CPNE7: variants seen among roughly 807,000 people sequenced by gnomAD.
CPNE7 encodes the protein copine 7.
A neutral mutation model predicts 66.5 loss-of-function variants in CPNE7; 78 were observed. That is an observed-to-expected ratio of 1.17 (90% CI 0.98 to 1.42). CPNE7 has a LOEUF of 1.42. Among genes scored for constraint, CPNE7 ranks in the 40% most tolerant of loss-of-function variants. The pLI, the probability that CPNE7 is intolerant of heterozygous loss-of-function variation, is 0.00. For synonymous variants in CPNE7, 468 were observed against 336.7 expected (o/e 1.39, Z -4.27); for missense variants, 1,012 against 776.6 (o/e 1.30, Z -3.60).
In CPNE7 at chr16:89,588,148, T is replaced by A. The variant is rs112241346; in HGVS notation, c.928-527T>A. On this transcript the variant is annotated intron_variant, in intron 9 of 14. Coordinates refer to ENST00000319518, the MANE Select transcript of CPNE7 (RefSeq NM_153636.3). ...GTGTCACCCGCGTGTCACCCACAGA[T>A]ACACGGCCCCCGTGTCACCCGCGTG... Among the ~76,000 whole-genome samples the A allele has an allele frequency of 3.6e-4, 21 of 58,260 alleles. 1 individual carries two copies. Among genetic ancestry groups the A allele is most frequent in the Admixed American group, 5.6e-4 (3 of 5,350 alleles). 38.2% of individuals were successfully genotyped at this position (58,260 alleles called of 152,430 possible).
intron 2 of CPNE7, among the ~76,000 whole-genome samples, chr16:89,582,412 C>T (rs564041476): frequency 6.6e-5 from 10 of 152,354 alleles, no homozygotes; most frequent in African/African-American, 2.4e-4. Context: ...CTCCTAAGGA[C>T]CTGCTCTCCT....
intron 2 of CPNE7, among the ~76,000 whole-genome samples, chr16:89,578,348 C>CCA (rs1374195517): frequency 2.0e-5 from 3 of 152,054 alleles, no homozygotes; most frequent in Admixed American, 1.3e-4. Flanking sequence ...CAGGCGTGAG[C>CCA]CACGGTGCCC....
At chr16:89,577,404 G>A (rs1312932608) in intron 1 of CPNE7, 135 bp from the exon 2 acceptor site, 5 of 858,256 alleles carry the variant, frequency 5.8e-6, no homozygotes, top group Non-Finnish European at 8.9e-6. Flanking sequence ...TGGACAGAGA[G>A]CAGGCAGGAG....
rs1429107734 is a variant in CPNE7, at chr16:89,584,116, C to G, written c.507+14C>G. On this transcript the variant is annotated intron_variant, in intron 4 of 14. Coordinates refer to ENST00000319518, the MANE Select transcript of CPNE7 (RefSeq NM_153636.3). The surrounding 1 kb of genome is among the most constrained non-coding windows in gnomAD (Gnocchi z 6.0). The stretch of plus-strand genomic sequence containing the variant: ...CTGGACGACAAGGTGAGTGCAGGTG[C>G]CGGGCACGCCTGGCTCAGGCTGAGG... The G allele has an allele frequency of 6.2e-7, 1 of 1,605,178 alleles. No individual in the cohort carries two copies. The highest frequency in any genetic ancestry group is 1.7e-5 in the Admixed American group (1 of 57,880).
intron 2 of CPNE7, among the ~76,000 whole-genome samples, chr16:89,579,815 C>G (rs1306570242): frequency 1.2e-5 from 1 of 86,872 alleles, no homozygotes; most frequent in Non-Finnish European, 2.8e-5. Flanking sequence ...TCACCCGTCA[C>G]ACGGAACATC....
At chr16:89,576,198 C>A in intron 1 of CPNE7, 127 bp downstream of exon 1, 1 of 754,864 alleles carries the variant, frequency 1.3e-6, no homozygotes, top group Non-Finnish European at 1.8e-6. Context: ...GGAGCTGGGG[C>A]TCAGCTCGGG....
Position 89,585,468 on chromosome 16 carries a change from T to A in CPNE7, c.596T>A (p.Val199Glu). 6.2e-7 allele frequency: 1 copy of A among 1,610,260 alleles called. No homozygotes were observed. Among genetic ancestry groups the A allele is most frequent in the Middle Eastern group, 1.7e-4 (1 of 5,996 alleles). ...CCAGCCCCTCCCGGCCCACAGGTGG[T>A]GAAGAACAACCTGAACCCGGTGTGG... ...GLQLVYRTEV[V>E]KNNLNPVWEA... is the part of the protein sequence containing the mutation. Residue 199 changes from valine (V) to glutamate (E), a missense_variant, in exon 6 of 15, where the codon GTG (valine) becomes GAG (glutamate). Physicochemically the swap from Val to Glu is moderately radical, Grantham distance 121. Transcript: ENST00000319518.
rs1314138087 is a variant in CPNE7 at position 89,584,736 on chromosome 16, A to G, written c.508-38A>G. ...CAGCTCCCATCCAAAGCCCGATCTC[A>G]CAGTGCCTGGCCCAGCAGCCCTTGT... On this transcript the variant is annotated intron_variant, in intron 4 of 14. Transcript: ENST00000319518. The surrounding 1 kb of genome is among the most constrained non-coding windows in gnomAD (Gnocchi z 6.0). The G allele has an allele frequency of 2.0e-6, 3 of 1,525,734 alleles. No homozygotes were observed. The highest frequency in any genetic ancestry group is 2.7e-5 in the African/African-American group (2 of 73,102). The allele number at this position is 1,525,734 out of a possible 1,614,324, so 94.5% of individuals were successfully genotyped here. A position where few individuals can be genotyped will look rare whatever the true frequency, so the allele number is the denominator to read the frequency against.
At chr16:89,578,618 G>C (rs1449065277) in intron 2 of CPNE7, among the ~76,000 whole-genome samples, 2 of 151,624 alleles carry the variant, frequency 1.3e-5, no homozygotes, top group African/African-American at 4.8e-5. Context: ...TAATTAGCCG[G>C]GCATGGTGGC....
intron 13 of CPNE7, among the ~76,000 whole-genome samples, chr16:89,594,642 CTTTTTTTTTTT>C (rs57032352): frequency 6.9e-5 from 6 of 86,904 alleles, no homozygotes; most frequent in South Asian, 8.1e-4. Flanking sequence ...TCCATTCTGC[CTTTTTTTTTTT>C]TTTTTTTTTT....
chr16:89,594,642 CTTTTTTTTTT>C (rs57032352), intron 13 of CPNE7, among the ~76,000 whole-genome samples: 12 of 86,904 alleles, frequency 1.4e-4, no homozygotes, highest in African/African-American at 1.7e-4. Context: ...TCCATTCTGC[CTTTTTTTTTT>C]TTTTTTTTTT....
chr16:89,576,707 C>G (rs1212648919), intron 1 of CPNE7, among the ~76,000 whole-genome samples: 1 of 152,182 alleles, frequency 6.6e-6, no homozygotes, highest in Non-Finnish European at 1.5e-5. Context: ...GGAGCCGGAA[C>G]TCGAACCCCA....
chr16:89,588,830 C>T, intron 10 of CPNE7, 22 bp downstream of exon 10: 1 of 1,612,148 alleles, frequency 6.2e-7, no homozygotes, highest in East Asian at 2.2e-5. Flanking sequence ...ACCTTCCCCT[C>T]ACCCCCTGGT....
intron 3 of CPNE7, 80 bp from the exon 4 acceptor site, chr16:89,583,948 C>G: frequency 6.4e-7 from 1 of 1,555,396 alleles, no homozygotes; most frequent in South Asian, 1.1e-5. Flanking sequence ...GTGGGGTCAG[C>G]CAGCCTGGGG....
rs768611740 is a variant in CPNE7, at chr16:89,587,022, G to A, written c.868-21G>A. 4.0e-4 allele frequency: 631 copies of A among 1,570,106 alleles called. 4 individuals are homozygous for A. The highest frequency in any genetic ancestry group is 5.1e-4 in the Middle Eastern group (3 of 5,914). On this transcript the variant is annotated intron_variant, in intron 8 of 14. Coordinates refer to ENST00000319518, the MANE Select transcript of CPNE7 (RefSeq NM_153636.3). The stretch of plus-strand genomic sequence containing the variant: ...CTCAGTGTCCCTGGCGGGGGTGGAC[G>A]CTGACTCCGCCGGCCGGAAGTTCCA...
At chr16:89,590,899 C>G in intron 11 of CPNE7, 108 bp from the exon 12 acceptor site, 19 of 1,054,826 alleles carry the variant, frequency 1.8e-5, no homozygotes, top group African/African-American at 3.5e-5. Context: ...GAGCAGCTGA[C>G]TGGGGGACAT....
chr16:89,584,851 G>A lies in CPNE7; in HGVS notation c.585G>A (p.Arg195=), dbSNP rs376182274. 1.2e-6 allele frequency: 2 copies of A among 1,613,240 alleles called. No homozygotes were observed. Among genetic ancestry groups the A allele is most frequent in the African/African-American group, 2.7e-5 (2 of 74,940 alleles). ...NDDQGLQLVY[R]TEVVKNNLNP... Reference sequence around the variant, plus strand: ...ACCAGGGCTTGCAGCTGGTGTACAGGACGGAGGTGAGCGGCCGGGGATGGG... The same window carrying A: ...ACCAGGGCTTGCAGCTGGTGTACAGAACGGAGGTGAGCGGCCGGGGATGGG... The change falls in exon 5 of 15, where the codon AGG becomes AGA. Residue 195 remains arginine, a synonymous_variant. Coordinates refer to ENST00000319518, the MANE Select transcript of CPNE7 (RefSeq NM_153636.3). This position sits in a 1 kb window ranked among gnomAD's most constrained non-coding sequence, Gnocchi z 6.0.
chr16:89,576,843 T>A (rs2058868391), intron 1 of CPNE7, among the ~76,000 whole-genome samples: 1 of 152,064 alleles, frequency 6.6e-6, no homozygotes, highest in Non-Finnish European at 1.5e-5. Flanking sequence ...GTCATCCACC[T>A]TGAGGGTGAA....
Position 89,588,712 on chromosome 16 carries a change from G to A in CPNE7, c.965G>A (p.Arg322Gln), listed in dbSNP as rs28568523. 5.3e-3 allele frequency: 8,545 copies of A among 1,613,460 alleles called. 38 individuals carry two copies. Among genetic ancestry groups the A allele is most frequent in the African/African-American group, 7.6e-3 (569 of 75,022 alleles). The change falls in exon 10 of 15, where the codon CGG becomes CAG. Residue 322 changes from arginine (R) to glutamine (Q), a missense_variant. By Grantham distance (43) the Arg-to-Gln change is conservative. Transcript: ENST00000319518. ...TTCACCGCCTCCAATGGAGACCCGC[G>A]GAACAGCTGCTCCCTGCACTACATC... is the stretch of plus-strand genomic sequence containing the variant. ...IDFTASNGDPRNSCSLHYINP... is the reference protein window; with the variant it reads ...IDFTASNGDPQNSCSLHYINP...
Sources: gnomAD v4.1 joint callset for allele counts (sites outside exome capture counted in the v4.1 genomes callset) on GRCh38, gnomAD v4.1.1 for gene constraint, Gnocchi (gnomAD v3.1) non-coding constraint, MANE v1.5 for transcripts, NCBI Gene and HGNC (gene_info 2026-07-23, HGNC 2026-07-21) for gene names.